Variants in PLEKHJ1 observed in about 807,000 individuals in gnomAD.
PLEKHJ1 encodes pleckstrin homology domain-containing family J member 1.
A neutral mutation model predicts 21.7 loss-of-function variants in PLEKHJ1; 20 were observed. The observed-to-expected ratio is 0.92, with a 90% confidence interval of 0.65 to 1.34. PLEKHJ1 has a LOEUF of 1.34. Among genes scored for constraint, PLEKHJ1 ranks in the 40% most tolerant of loss-of-function variants. The pLI is 0.00. For missense variants in PLEKHJ1, 241 were observed against 202.0 expected, an observed-to-expected ratio of 1.19 and a Z score of -1.17; for synonymous variants, 113 against 80.6, an observed-to-expected ratio of 1.40 and a Z score of -2.15.
At chr19:2,230,045 C>T (rs148986997), downstream of PLEKHJ1, 2 of 636,900 alleles carry the variant, frequency 3.1e-6, no homozygotes, top group African/African-American at 1.8e-5. Context: ...TTTATTCCAT[C>T]TAAGTGGTAA....
chr19:2,235,006 T>TA, intron 3 of PLEKHJ1: 1 of 151,858 alleles, frequency 6.6e-6, no homozygotes. Context: ...TCTCAAAAAA[T>TA]AAGCAAATAA....
downstream of PLEKHJ1, chr19:2,231,732 C>G (rs919870835): frequency 4.7e-6 from 1 of 213,364 alleles, no homozygotes. Flanking sequence ...GCAGAGACGG[C>G]CGAGTCCCTG....
At chr19:2,230,023 A>G (rs949232202), downstream of PLEKHJ1, 2 of 678,562 alleles carry the variant, frequency 2.9e-6, no homozygotes, top group Non-Finnish European at 4.8e-6. Context: ...AGTATAAACA[A>G]TTCTGACTTA....
chr19:2,232,086 A>G (rs2024624088), downstream of PLEKHJ1: 1 of 213,452 alleles, frequency 4.7e-6, no homozygotes, highest in Non-Finnish European at 9.5e-6. Context: ...GAGACTGGGG[A>G]TCTGGAGCCT....
chr19:2,230,502 ACGGCG>A (rs2024554336), downstream of PLEKHJ1: 3 of 398,744 alleles, frequency 7.5e-6, no homozygotes, highest in African/African-American at 6.2e-5. Flanking sequence ...TGCTGTGAGG[ACGGCG>A]CGGGCACGTT....
chr19:2,232,709 C>T (rs776332138), downstream of PLEKHJ1: 69 of 179,286 alleles, frequency 3.8e-4, no homozygotes, highest in Non-Finnish European at 1.1e-4. Flanking sequence ...GCAGAAGCTC[C>T]GGGGGCTGAC....
At chr19:2,230,297 C>T (rs1306505338), downstream of PLEKHJ1, 9 of 415,938 alleles carry the variant, frequency 2.2e-5, no homozygotes, top group East Asian at 3.5e-5. Flanking sequence ...AAGGCAGGCC[C>T]GTCGCCACCA....
intron 3 of PLEKHJ1, 88 bp from the exon 4 acceptor site, chr19:2,234,328 C>T: frequency 1.0e-6 from 1 of 966,118 alleles, no homozygotes; most frequent in Non-Finnish European, 1.6e-6. Context: ...CTTCTCTGGC[C>T]CCCACAAAGA....
In PLEKHJ1 at chr19:2,236,272, G is replaced by A. The variant is rs1402848349; in HGVS notation, c.-24C>T. The A allele has an allele frequency of 1.3e-5, 18 of 1,336,772 alleles. No individual in the cohort carries two copies. The highest frequency in any genetic ancestry group is 1.6e-5 in the Non-Finnish European group (17 of 1,039,918). The allele number at this position is 1,336,772 out of a possible 1,614,324, so 82.8% of individuals were successfully genotyped here. A position where few individuals can be genotyped will look rare whatever the true frequency, so the allele number is the denominator to read the frequency against. ...ATGGCTCCGCGGGGAACGGGAACCC[G>A]GGCCGCGCCCTCCCGGCCGCCGTCC... On this transcript the variant is annotated 5_prime_UTR_variant, in exon 1 of 6. Transcript: ENST00000326631.
At chr19:2,230,561 C>T (rs866488513), downstream of PLEKHJ1, 30 of 398,594 alleles carry the variant, frequency 7.5e-5, no homozygotes, top group Admixed American at 1.2e-3. Context: ...GTCCATGGCT[C>T]GCAGCATGCC....
downstream of PLEKHJ1, chr19:2,231,157 T>C: frequency 4.4e-6 from 1 of 227,636 alleles, no homozygotes; most frequent in Non-Finnish European, 8.7e-6. Context: ...GTGGTGGCTC[T>C]GTGCCCTCCC....
chr19:2,234,372 G>C (rs926160468), intron 3 of PLEKHJ1, 132 bp from the exon 4 acceptor site: 1 of 632,634 alleles, frequency 1.6e-6, no homozygotes, highest in Middle Eastern at 2.6e-4. Context: ...GAACCCATGA[G>C]TATGGCCCTG....
At position 2,234,203 on chromosome 19, in the gene PLEKHJ1, C is replaced by G. The variant is rs770455995; in HGVS notation, c.267G>C (p.Glu89Asp). Reference protein sequence around the residue: ...IEDPERKYHFECSSEEQCQEW... With the variant: ...IEDPERKYHFDCSSEEQCQEW... ...CCTGACACTGCTCCTCGCTGCTGCA[C>G]TCAAAGTGATACTTCCTCTCAGGGT... The change falls in exon 4 of 6, where the codon GAG (glutamate) becomes GAC (aspartate). Residue 89 changes from glutamate to aspartate, a missense_variant. Transcript: ENST00000326631. 1 of 1,613,220 alleles carries G rather than the reference C, an allele frequency of 6.2e-7. No homozygotes were observed. The highest frequency in any genetic ancestry group is 8.5e-7 in the Non-Finnish European group (1 of 1,180,004).
In PLEKHJ1 at chr19:2,233,968, C is replaced by T. The variant is rs759895909; in HGVS notation, c.384+30G>A. The T allele has an allele frequency of 3.1e-6, 5 of 1,611,750 alleles. No homozygotes were observed. In the African/African-American group the frequency reaches 6.7e-5, roughly 22 times the overall value. On this transcript the variant is annotated intron_variant, in intron 5 of 5. Coordinates refer to ENST00000326631, the MANE Select transcript of PLEKHJ1 (RefSeq NM_018049.3). ...GGACTGCCTCTGCCACCTGCAGCCC[C>T]ACCCCGGCCCTCTGCAGCCCTGCAC...
intron 1 of PLEKHJ1, 70 bp from the exon 2 acceptor site, chr19:2,236,060 C>A: frequency 1.4e-6 from 2 of 1,461,136 alleles, no homozygotes; most frequent in Non-Finnish European, 9.0e-7. Flanking sequence ...GTCCCCGGCG[C>A]CCCGACCCGG....
downstream of PLEKHJ1, among the ~76,000 whole-genome samples, chr19:2,232,854 C>T (rs752826953): frequency 1.4e-4 from 21 of 152,218 alleles, no homozygotes; most frequent in Non-Finnish European, 2.9e-4. Context: ...CCAATGACAT[C>T]GGCAAAGTCC....
At chr19:2,235,332 TC>T (rs1169643020) in intron 3 of PLEKHJ1, 2 of 169,046 alleles carry the variant, frequency 1.2e-5, no homozygotes, top group Admixed American at 6.2e-5. Flanking sequence ...AGGGACTCCA[TC>T]TTTCCCCGCA....
At chr19:2,234,457 T>C (rs1158178723) in intron 3 of PLEKHJ1, 8 of 525,814 alleles carry the variant, frequency 1.5e-5, no homozygotes, top group Non-Finnish European at 2.7e-5. Context: ...ATGCCTATAA[T>C]CCCAGCGCTT....
chr19:2,235,646 G>T, intron 3 of PLEKHJ1, 116 bp downstream of exon 3: 1 of 825,810 alleles, frequency 1.2e-6, no homozygotes, highest in South Asian at 1.7e-5. Flanking sequence ...GTTTGAGGAG[G>T]GTGGCGCCAG....
Sources: gnomAD v4.1 joint callset for allele counts (sites outside exome capture counted in the v4.1 genomes callset) on GRCh38, gnomAD v4.1.1 for gene constraint, MANE v1.5 for transcripts, NCBI Gene and HGNC (gene_info 2026-07-23, HGNC 2026-07-21) for gene names.